RNF213: variants seen among roughly 807,000 people sequenced by gnomAD.
The protein encoded by RNF213 is E3 ubiquitin-protein ligase RNF213.
A neutral mutation model predicts 514.4 loss-of-function variants in RNF213; 341 were observed. The ratio of observed to expected loss-of-function variants is 0.66; its 90% CI spans 0.61 to 0.73. The LOEUF is 0.73. Among genes scored for constraint, RNF213 ranks in the 30% least tolerant of loss-of-function variants. The pLI is 0.00. For synonymous variants in RNF213, 2,655 were observed against 2,658.2 expected, an observed-to-expected ratio of 1.00 and a Z score of 0.04; for missense variants, 5,767 against 6,615.6, an observed-to-expected ratio of 0.87 and a Z score of 4.45.
chr17:80,371,146 A>G (rs2079502993), intron 46 of RNF213, among the ~76,000 whole-genome samples: 1 of 152,256 alleles, frequency 6.6e-6, no homozygotes, highest in Non-Finnish European at 1.5e-5. Flanking sequence ...AAATCTATTT[A>G]AAGTATGGGC....
chr17:80,345,276 C>T lies in RNF213; in HGVS notation c.6941C>T (p.Thr2314Ile). Residue 2314 changes from threonine to isoleucine, a missense_variant, in exon 29 of 68, where the codon ACC becomes ATC. By Grantham distance (89) the Thr-to-Ile change is moderately conservative. Coordinates refer to ENST00000582970, the MANE Select transcript of RNF213 (RefSeq NM_001256071.3). This position sits in a 1 kb window ranked among gnomAD's most constrained non-coding sequence, Gnocchi z 6.0. ...GTTTTCTTCAATGACGACCACACAA[C>T]CATGACATTCATCGGCTTCCATCTG... The part of the protein sequence containing the change: ...PYVFFNDDHT[T>I]MTFIGFHLQP... The T allele has an allele frequency of 6.2e-7, 1 of 1,614,142 alleles. No individual in the cohort carries two copies. Among genetic ancestry groups the T allele is most frequent in the East Asian group, 2.2e-5 (1 of 44,880 alleles).
chr17:80,342,356 G>A (rs976163749), intron 26 of RNF213, among the ~76,000 whole-genome samples: 10 of 152,114 alleles, frequency 6.6e-5, no homozygotes, highest in East Asian at 1.9e-4. Flanking sequence ...GCTGTCCTGC[G>A]GAGGCAGGAG....
rs572890790 is a variant in RNF213, at chr17:80,282,693, C to T, written c.262-5122C>T. On this transcript the variant is annotated intron_variant, in intron 3 of 67. Transcript: ENST00000582970. ...GATTACAGGCGTGAGCCACTGCACC[C>T]GGCCTATTATTACTATTTTTCAAGG... Among the ~76,000 whole-genome samples, 496 of 150,322 alleles carry T rather than the reference C, an allele frequency of 3.3e-3. 1 individual carries two copies. The highest frequency in any genetic ancestry group is 0.011 in the Middle Eastern group (3 of 272).
At chr17:80,293,425 A>G (rs2044812049) in intron 8 of RNF213, among the ~76,000 whole-genome samples, 4 of 152,160 alleles carry the variant, frequency 2.6e-5, no homozygotes, top group Admixed American at 2.6e-4. Flanking sequence ...AATAGGCATT[A>G]GTCCGGTAAT....
At position 80,339,451 on chromosome 17, in the gene RNF213, G is replaced by A. The variant is rs370463812; in HGVS notation, c.5084G>A (p.Arg1695Gln). The stretch of plus-strand genomic sequence containing the variant: ...TGGAAGAGATTTGTGACCCAGAAGC[G>A]AATGGAGCACTTTTACCTGAACTTC... The part of the protein sequence containing the change: ...DSWKRFVTQK[R>Q]MEHFYLNFYT... The change falls in exon 26 of 68, where the codon CGA becomes CAA. Residue 1695 changes from arginine to glutamine, a missense_variant. Coordinates refer to ENST00000582970, the MANE Select transcript of RNF213 (RefSeq NM_001256071.3). 106 of 1,537,084 alleles carry A rather than the reference G, an allele frequency of 6.9e-5. No individual in the cohort carries two copies. Among genetic ancestry groups the A allele is most frequent in the East Asian group, 2.7e-4 (11 of 40,916 alleles).
chr17:80,300,952 G>A (rs964718189), intron 11 of RNF213, among the ~76,000 whole-genome samples: 6 of 152,022 alleles, frequency 3.9e-5, no homozygotes, highest in African/African-American at 7.2e-5. Context: ...AAAAGTGTCT[G>A]TTCATGTCCT....
At chr17:80,276,335 G>C (rs1055205758) in intron 3 of RNF213, among the ~76,000 whole-genome samples, 1 of 150,916 alleles carries the variant, frequency 6.6e-6, no homozygotes, top group Admixed American at 6.6e-5. Context: ...CCTGACTTCA[G>C]GTGCTCTGCC....
At chr17:80,386,958 G>A in intron 63 of RNF213, 67 bp downstream of exon 63, 1 of 1,466,750 alleles carries the variant, frequency 6.8e-7, no homozygotes, top group Non-Finnish European at 9.3e-7. Flanking sequence ...CCCTTGGTGT[G>A]TTTCTCGAGA....
At chr17:80,324,731 C>T (rs2046234705) in intron 17 of RNF213, among the ~76,000 whole-genome samples, 1 of 150,814 alleles carries the variant, frequency 6.6e-6, no homozygotes, top group African/African-American at 2.4e-5. Context: ...ATATGAAAGT[C>T]CAAAAAAAAA....
At chr17:80,319,056 G>A (rs768724213) in intron 16 of RNF213, 134 bp from the exon 17 acceptor site, 122 of 1,591,148 alleles carry the variant, frequency 7.7e-5, no homozygotes, top group Admixed American at 2.8e-4. Flanking sequence ...CTTTGCGTGG[G>A]CCAGGAGAAG....
rs1175057791 is a variant in RNF213, at chr17:80,332,430, C to T, written c.3942C>T (p.Tyr1314=). The T allele has an allele frequency of 7.2e-6, 11 of 1,537,068 alleles. No homozygotes were observed. Among genetic ancestry groups the T allele is most frequent in the Non-Finnish European group, 9.6e-6 (11 of 1,146,922 alleles). ...DVIFKDFVNK[Y]TDLDSELKIM... ...TCTTCAAGGACTTTGTGAATAAATA[C>T]ACGGACCTGGATTCAGAACTTAAGA... The change falls in exon 21 of 68, where the codon TAC becomes TAT. Residue 1314 remains tyrosine, a synonymous_variant. Coordinates refer to ENST00000582970, the MANE Select transcript of RNF213 (RefSeq NM_001256071.3).
intron 30 of RNF213, 137 bp from the exon 31 acceptor site, chr17:80,350,157 CTGGACTA>C (rs1464597378): frequency 1.3e-6 from 1 of 758,628 alleles, no homozygotes; most frequent in African/African-American, 1.7e-5. Context: ...GTTTCCTCCC[CTGGACTA>C]TCTGTTCTTA....
At chr17:80,290,787 T>C in intron 7 of RNF213, 59 bp downstream of exon 7, 5 of 1,596,072 alleles carry the variant, frequency 3.1e-6, no homozygotes, top group Non-Finnish European at 4.3e-6. Flanking sequence ...ATGCCCAGCC[T>C]GTGACACGTA....
chr17:80,385,155 C>T lies in RNF213; in HGVS notation c.14439C>T (p.Leu4813=). The T allele has an allele frequency of 6.2e-7, 1 of 1,614,160 alleles. No homozygotes were observed. Among genetic ancestry groups the T allele is most frequent in the East Asian group, 2.2e-5 (1 of 44,876 alleles). The change falls in exon 60 of 68, where the codon CTC becomes CTT. Residue 4813 remains leucine (L), a synonymous_variant. Coordinates refer to ENST00000582970, the MANE Select transcript of RNF213 (RefSeq NM_001256071.3). The part of the protein sequence containing the change: ...QVEYSSIRGF[L]SKHSSDGLRQ... ...AATACAGCTCCATCAGAGGCTTCCTCAGCAAGCACAGCTCAGGTGTGGCTC... is the reference window on the plus strand; with the variant it reads ...AATACAGCTCCATCAGAGGCTTCCTTAGCAAGCACAGCTCAGGTGTGGCTC...
intron 22 of RNF213, 148 bp from the exon 23 acceptor site, chr17:80,336,013 C>A: frequency 1.6e-6 from 1 of 622,544 alleles, no homozygotes; most frequent in Non-Finnish European, 2.7e-6. Flanking sequence ...ATTAGGTGTT[C>A]CGGACTCTTA....
Position 80,317,126 on chromosome 17 carries a change from A to T in RNF213, c.2812-62A>T. 4 of 1,539,544 alleles carry T rather than the reference A, an allele frequency of 2.6e-6. No homozygotes were observed. In the South Asian group the frequency reaches 3.5e-5, roughly 13 times the overall value. ...CGTAATGCTCTGTCTTTCTCCTTTC[A>T]TGGGAGTGTGCCGTGGCATTTAGTC... On this transcript the variant is annotated intron_variant, in intron 15 of 67. Transcript: ENST00000582970. The surrounding 1 kb of genome is among the most constrained non-coding windows in gnomAD (Gnocchi z 4.1).
Position 80,353,716 on chromosome 17 carries a change from G to C in RNF213, c.10578+50G>C. On this transcript the variant is annotated intron_variant, in intron 34 of 67. Coordinates refer to ENST00000582970, the MANE Select transcript of RNF213 (RefSeq NM_001256071.3). The surrounding 1 kb of genome is among the most constrained non-coding windows in gnomAD (Gnocchi z 5.0). ...CCCTTGTGCTGCTGGTGATGCTTCT[G>C]AGCTGCATCTTTAAACGCTTTTGCA... The C allele has an allele frequency of 6.2e-7, 1 of 1,611,692 alleles. No homozygotes were observed. Among genetic ancestry groups the C allele is most frequent in the Non-Finnish European group, 8.5e-7 (1 of 1,177,862 alleles).
chr17:80,359,824 CCT>C (rs1237976272), intron 37 of RNF213, among the ~76,000 whole-genome samples: 14 of 152,168 alleles, frequency 9.2e-5, no homozygotes, highest in East Asian at 1.9e-4. Flanking sequence ...ACACTTGACC[CCT>C]GTCAGCCTTG....
Position 80,373,145 on chromosome 17 carries a change from A to G in RNF213, c.12922A>G (p.Lys4308Glu), listed in dbSNP as rs746290208. 5 of 1,612,032 alleles carry G rather than the reference A, an allele frequency of 3.1e-6. No individual in the cohort carries two copies. The highest frequency in any genetic ancestry group is 4.2e-6 in the Non-Finnish European group (5 of 1,179,926). ...CCGCCCGCACCAGTGGGTGTTTCCC[A>G]AGGACGTTGTCAAGCAGCAGGTGAG... ...PGRPHQWVFP[K>E]DVVKQQGLRQ... The change falls in exon 49 of 68, where the codon AAG becomes GAG. Residue 4308 changes from lysine to glutamate, a missense_variant. By Grantham distance (56) the Lys-to-Glu change is moderately conservative. This residue lies in a region of RNF213 where 1,245 missense variants were observed against 1,339.0 expected (regional missense o/e 0.93). Transcript: ENST00000582970.
Sources: allele counts gnomAD v4.1 joint callset (sites outside exome capture counted in the v4.1 genomes callset), GRCh38; gene constraint gnomAD v4.1.1; regional missense constraint gnomAD v4.1.1; non-coding constraint Gnocchi (gnomAD v3.1); transcripts MANE v1.5; gene names NCBI Gene and HGNC (gene_info 2026-07-23, HGNC 2026-07-21).